Variants in PRKN observed in about 807,000 individuals in gnomAD.
PRKN encodes parkin RBR E3 ubiquitin protein ligase.
PRKN carries 56 observed loss-of-function variants against 59.5 expected under a neutral mutation model. The observed-to-expected ratio is 0.94, with a 90% CI of 0.76 to 1.18. The LOEUF is 1.18. PRKN is among the 50% of genes most tolerant of loss of function. The pLI is 0.00. For synonymous variants in PRKN, 250 were observed against 222.1 expected, an observed-to-expected ratio of 1.13 and a Z score of -1.12; for missense variants, 657 against 596.4, an observed-to-expected ratio of 1.10 and a Z score of -1.06.
chr6:161,465,225 C>T lies in PRKN; in HGVS notation c.1084-78348G>A, dbSNP rs189654910. On this transcript the variant is annotated intron_variant, in intron 9 of 11. Coordinates refer to ENST00000366898, the MANE Select transcript of PRKN (RefSeq NM_004562.3). ...TACTGCTCTAGTTCTTTTTGAAAGGCGACATGCTTTCTGGCTTGCTTCTTT... is the reference window on the plus strand; with the variant it reads ...TACTGCTCTAGTTCTTTTTGAAAGGTGACATGCTTTCTGGCTTGCTTCTTT... Among the ~76,000 whole-genome samples the T allele has an allele frequency of 5.3e-5, 8 of 152,228 alleles. No homozygotes were observed. In the East Asian group the frequency reaches 7.7e-4, roughly 15 times the overall value.
At chr6:161,666,569 T>C (rs1784734389) in intron 7 of PRKN, among the ~76,000 whole-genome samples, 1 of 152,140 alleles carries the variant, frequency 6.6e-6, no homozygotes, top group Non-Finnish European at 1.5e-5. Context: ...TACTTATTGA[T>C]TTTAAGTAAG....
At chr6:162,019,054 GT>G (rs2128274328) in intron 5 of PRKN, among the ~76,000 whole-genome samples, 1 of 152,224 alleles carries the variant, frequency 6.6e-6, no homozygotes, top group East Asian at 1.9e-4. Context: ...TACTTAGATG[GT>G]TTACTGACTC....
chr6:162,433,112 C>G (rs1789614656), intron 2 of PRKN, among the ~76,000 whole-genome samples: 1 of 152,128 alleles, frequency 6.6e-6, no homozygotes, highest in South Asian at 2.1e-4. Flanking sequence ...ATTTACTGCG[C>G]ATTACAAATA....
intron 7 of PRKN, among the ~76,000 whole-genome samples, chr6:161,604,180 G>A (rs1227318126): frequency 1.4e-5 from 2 of 148,092 alleles, no homozygotes; most frequent in African/African-American, 2.7e-5. Flanking sequence ...CGTTAATATA[G>A]AGATCAATGC....
At chr6:162,397,043 A>G (rs1391683304) in intron 2 of PRKN, among the ~76,000 whole-genome samples, 3 of 152,148 alleles carry the variant, frequency 2.0e-5, no homozygotes, top group Non-Finnish European at 4.4e-5. Context: ...GGACAGCGCA[A>G]TAAGGGTCAC....
intron 1 of PRKN, among the ~76,000 whole-genome samples, chr6:162,560,858 A>AAAAAAAAAC (rs1554244676): frequency 6.7e-6 from 1 of 150,346 alleles, no homozygotes. Flanking sequence ...AGAGGCAAAA[A>AAAAAAAAAC]AAAAAAAAAC....
intron 2 of PRKN, among the ~76,000 whole-genome samples, chr6:162,441,436 C>A (rs1021340089): frequency 2.0e-5 from 3 of 152,184 alleles, no homozygotes; most frequent in Admixed American, 2.0e-4. Flanking sequence ...TACCTCAACT[C>A]AATTCATCCA....
rs953433819 is a variant in PRKN, at chr6:161,355,105, G to C, written c.1286-4894C>G. 5.9e-5 allele frequency among the ~76,000 whole-genome samples: 9 copies of C among 152,314 alleles called. No individual in the cohort carries two copies. Among genetic ancestry groups the C allele is most frequent in the African/African-American group, 2.2e-4 (9 of 41,572 alleles). ...CATCCTACCTACTGCTTCAGCTGAG[G>C]CTCCTGCGTGCGGTGCCTGGAACAC... On this transcript the variant is annotated intron_variant, in intron 11 of 11. Transcript: ENST00000366898. The surrounding 1 kb of genome is among the most constrained non-coding windows in gnomAD (Gnocchi z 6.8).
At position 161,442,385 on chromosome 6, in the gene PRKN, A is replaced by T. The variant is rs763231874; in HGVS notation, c.1084-55508T>A. On this transcript the variant is annotated intron_variant, in intron 9 of 11. Coordinates refer to ENST00000366898, the MANE Select transcript of PRKN (RefSeq NM_004562.3). This position sits in a 1 kb window ranked among gnomAD's most constrained non-coding sequence, Gnocchi z 4.6. ...CTTAATCTTGAAGGCTAGATTTAAGACACTATTCTTACTGTCCACAAACAG... is the reference window on the plus strand; with the variant it reads ...CTTAATCTTGAAGGCTAGATTTAAGTCACTATTCTTACTGTCCACAAACAG... Among the ~76,000 whole-genome samples the T allele has an allele frequency of 3.9e-5, 6 of 152,226 alleles. No individual in the cohort carries two copies. Among genetic ancestry groups the T allele is most frequent in the Non-Finnish European group, 8.8e-5 (6 of 68,032 alleles).
In PRKN at chr6:161,936,987, T is replaced by G. The variant is rs528574989; in HGVS notation, c.734+36315A>C. 2.9e-3 allele frequency among the ~76,000 whole-genome samples: 443 copies of G among 152,268 alleles called. 2 individuals are homozygous for G. The highest frequency in any genetic ancestry group is 9.9e-3 in the African/African-American group (410 of 41,560). On this transcript the variant is annotated intron_variant, in intron 6 of 11. Transcript: ENST00000366898. ...TTTTAGTAGAGACAGGGTTTCACCA[T>G]GCTGGCCAGGTTGGTCATGAACTCC...
At chr6:161,434,005 G>A (rs1328997038) in intron 9 of PRKN, among the ~76,000 whole-genome samples, 5 of 120,438 alleles carry the variant, frequency 4.2e-5, no homozygotes, top group African/African-American at 1.1e-4. Flanking sequence ...TGACAAGAGC[G>A]AAACTCCATT....
chr6:162,166,244 T>C (rs1782984502), intron 4 of PRKN, among the ~76,000 whole-genome samples: 1 of 152,046 alleles, frequency 6.6e-6, no homozygotes, highest in East Asian at 1.9e-4. Flanking sequence ...CACAACAGCA[T>C]GGAAAAATCG....
chr6:161,815,005 T>C (rs1418471415), intron 6 of PRKN, among the ~76,000 whole-genome samples: 1 of 152,026 alleles, frequency 6.6e-6, no homozygotes, highest in Non-Finnish European at 1.5e-5. Context: ...AATTTATGGG[T>C]CTTTGAGGTA....
chr6:162,515,271 C>T lies in PRKN; in HGVS notation c.8-71798G>A, dbSNP rs906676497. On this transcript the variant is annotated intron_variant, in intron 1 of 11. Transcript: ENST00000366898. ...CTAATTTTTGTATTTTTAGTAGAAACGGGATTTCACCATGTTGGCCAGGCT... is the reference window on the plus strand; with the variant it reads ...CTAATTTTTGTATTTTTAGTAGAAATGGGATTTCACCATGTTGGCCAGGCT... Among the ~76,000 whole-genome samples the T allele has an allele frequency of 1.8e-4, 27 of 152,050 alleles. No homozygotes were observed. The East Asian group carries it at 3.3e-3, about 19-fold the overall frequency.
intron 2 of PRKN, among the ~76,000 whole-genome samples, chr6:162,329,184 AAGGGT>A (rs1783456129): frequency 6.6e-6 from 1 of 152,172 alleles, no homozygotes. Flanking sequence ...TGATTTTCTT[AAGGGT>A]AGAACAGCTC....
At position 161,628,657 on chromosome 6, in the gene PRKN, G is replaced by A. The variant is rs138765098; in HGVS notation, c.872-59241C>T. Among the ~76,000 whole-genome samples the A allele has an allele frequency of 3.3e-3, 505 of 152,346 alleles. 1 individual carries two copies. Among genetic ancestry groups the A allele is most frequent in the Non-Finnish European group, 3.3e-3 (222 of 68,040 alleles). On this transcript the variant is annotated intron_variant, in intron 7 of 11. Coordinates refer to ENST00000366898, the MANE Select transcript of PRKN (RefSeq NM_004562.3). ...AGAAGGCCACAAGCCAGCCTTTGTA[G>A]AGAAGTAGAGACATAGCACTTAGAA...
intron 4 of PRKN, among the ~76,000 whole-genome samples, chr6:162,102,564 G>A (rs758232177): frequency 3.3e-5 from 5 of 152,162 alleles, no homozygotes; most frequent in Non-Finnish European, 7.3e-5. Context: ...GCATTCTGGA[G>A]ACGACCTTCA....
At chr6:162,260,355 C>T (rs1228074045) in intron 3 of PRKN, among the ~76,000 whole-genome samples, 2 of 152,112 alleles carry the variant, frequency 1.3e-5, no homozygotes, top group African/African-American at 4.8e-5. Flanking sequence ...TGTCATTTAC[C>T]ACATTCCATA....
chr6:162,175,803 T>C (rs1201380313), intron 4 of PRKN, among the ~76,000 whole-genome samples: 1 of 152,188 alleles, frequency 6.6e-6, no homozygotes, highest in Non-Finnish European at 1.5e-5. Context: ...GCTCCTCTGA[T>C]GATGCAATGC....
Sources: allele counts gnomAD v4.1 joint callset (sites outside exome capture counted in the v4.1 genomes callset), GRCh38; gene constraint gnomAD v4.1.1; non-coding constraint Gnocchi (gnomAD v3.1); transcripts MANE v1.5; gene names NCBI Gene and HGNC (gene_info 2026-07-23, HGNC 2026-07-21).